Variants in SLC22A23 observed in about 807,000 individuals in gnomAD.
SLC22A23 encodes solute carrier family 22 member 23, also known as ion transporter protein.
A neutral mutation model predicts 61.0 loss-of-function variants in SLC22A23; 26 were observed. The observed-to-expected ratio is 0.43, with a 90% CI of 0.31 to 0.59. SLC22A23 has a LOEUF of 0.59. SLC22A23 is among the 20% of genes least tolerant of loss of function. The pLI is 0.11. For missense variants in SLC22A23, 796 were observed against 934.7 expected (o/e 0.85, Z 1.94); for synonymous variants, 430 against 413.9 (o/e 1.04, Z -0.47).
Position 3,362,418 on chromosome 6 carries a change from AAAATAAAAAATAAAAAAT to A in SLC22A23, c.914-38434_914-38417del, listed in dbSNP as rs1160685139. ...ATTCCGTCTCACAAAAAAAAAAAATAAAATAAAAAATAAAAAATAAAAATTAGCATGCATTTTCATCAG... is the reference window on the plus strand; with the variant it reads ...ATTCCGTCTCACAAAAAAAAAAAATAAAAAATTAGCATGCATTTTCATCAG... On this transcript the variant is annotated intron_variant, in intron 3 of 9. Transcript: ENST00000406686. Among the ~76,000 whole-genome samples, 58 of 48,120 alleles carry A rather than the reference AAAATAAAAAATAAAAAAT, an allele frequency of 1.2e-3. 14 individuals carry two copies. The highest frequency in any genetic ancestry group is 2.1e-3 in the East Asian group (2 of 936). The allele number at this position is 48,120 out of a possible 152,430, so 31.6% of individuals were successfully genotyped here. A position where few individuals can be genotyped will look rare whatever the true frequency, so the allele number is the denominator to read the frequency against.
chr6:3,357,759 T>C (rs1371931326), intron 3 of SLC22A23, among the ~76,000 whole-genome samples: 2 of 152,150 alleles, frequency 1.3e-5, no homozygotes, highest in Non-Finnish European at 2.9e-5. Context: ...GGTAGCACCA[T>C]GCCAGGGGAG....
chr6:3,418,900 C>T (rs1769927099), intron 1 of SLC22A23, among the ~76,000 whole-genome samples: 1 of 152,186 alleles, frequency 6.6e-6, no homozygotes, highest in South Asian at 2.1e-4. Flanking sequence ...CCTTGTTTGA[C>T]TTCTGCTTCT....
chr6:3,272,821 A>G lies in SLC22A23; in HGVS notation c.*234T>C, dbSNP rs1288231792. On this transcript the variant is annotated 3_prime_UTR_variant, in exon 10 of 10. Coordinates refer to ENST00000406686, the MANE Select transcript of SLC22A23 (RefSeq NM_015482.2). ...CTTCTCGTAAAAATGACCAAAATAA[A>G]TACACACATTTAACGGCAGAAAAGA... 1 of 456,812 alleles carries G rather than the reference A, an allele frequency of 2.2e-6. No individual in the cohort carries two copies. The highest frequency in any genetic ancestry group is 2.0e-5 in the African/African-American group (1 of 49,672). The allele number at this position is 456,812 out of a possible 1,614,324, so 28.3% of individuals were successfully genotyped here. A position where few individuals can be genotyped will look rare whatever the true frequency, so the allele number is the denominator to read the frequency against.
At chr6:3,273,940 CTG>C (rs1359221402) in intron 9 of SLC22A23, among the ~76,000 whole-genome samples, 2 of 152,212 alleles carry the variant, frequency 1.3e-5, no homozygotes, top group Admixed American at 6.5e-5. Context: ...AGTTTCCTCA[CTG>C]TGAGTTGATG....
intron 3 of SLC22A23, among the ~76,000 whole-genome samples, chr6:3,347,900 C>T (rs1232927862): frequency 1.3e-5 from 2 of 152,194 alleles, no homozygotes; most frequent in Non-Finnish European, 2.9e-5. Context: ...AGATGAAGCT[C>T]TGCCCAGCAT....
rs150632626 is a variant in SLC22A23, at chr6:3,292,242, G to A, written c.1211-2376C>T. Among the ~76,000 whole-genome samples, 212 of 152,320 alleles carry A rather than the reference G, an allele frequency of 1.4e-3. 2 individuals are homozygous for A. The highest frequency in any genetic ancestry group is 0.01 in the Middle Eastern group (3 of 294). On this transcript the variant is annotated intron_variant, in intron 5 of 9. Transcript: ENST00000406686. The stretch of plus-strand genomic sequence containing the variant: ...AAATCCTCGAGTGCTTCTGGAGGCC[G>A]TGCCGAGTTCTCCCATCCGGCCCTC...
chr6:3,448,183 G>A (rs535820063), intron 1 of SLC22A23, among the ~76,000 whole-genome samples: 5 of 151,920 alleles, frequency 3.3e-5, no homozygotes, highest in Non-Finnish European at 7.4e-5. Flanking sequence ...GATTACAGGC[G>A]TGAGCCACCG....
At chr6:3,302,504 A>G (rs1380577329) in intron 4 of SLC22A23, among the ~76,000 whole-genome samples, 3 of 152,112 alleles carry the variant, frequency 2.0e-5, no homozygotes, top group Admixed American at 6.5e-5. Flanking sequence ...CTTTTCTAGT[A>G]TCTTGAAATA....
rs1257341020 is a variant in SLC22A23, at chr6:3,269,278, TGA to T, written c.*3775_*3776del. The T allele has an allele frequency of 6.6e-6, 1 of 152,200 alleles. No individual in the cohort carries two copies. The highest frequency in any genetic ancestry group is 1.5e-5 in the Non-Finnish European group (1 of 68,022). The allele number at this position is 152,200 out of a possible 1,614,324, so 9.4% of individuals were successfully genotyped here. A position where few individuals can be genotyped will look rare whatever the true frequency, so the allele number is the denominator to read the frequency against. On this transcript the variant is annotated 3_prime_UTR_variant, in exon 10 of 10. Transcript: ENST00000406686. ...TTTAAGACCAGGACTCGAAGCAGAGTGAGAGGCCTCCCTCCACCCACCTCGGG... is the reference window on the plus strand; with the variant it reads ...TTTAAGACCAGGACTCGAAGCAGAGTGAGGCCTCCCTCCACCCACCTCGGG...
intron 9 of SLC22A23, among the ~76,000 whole-genome samples, chr6:3,276,140 G>A (rs1305666215): frequency 6.6e-6 from 1 of 152,146 alleles, no homozygotes; most frequent in Non-Finnish European, 1.5e-5. Flanking sequence ...GGGGGCTTTT[G>A]TCCTGTAACA....
chr6:3,438,847 T>C (rs767348785), intron 1 of SLC22A23, among the ~76,000 whole-genome samples: 8 of 152,208 alleles, frequency 5.3e-5, no homozygotes, highest in Non-Finnish European at 1.0e-4. Flanking sequence ...CAGCAAACCC[T>C]TTCTTCACAG....
In SLC22A23 at chr6:3,308,206, T is replaced by A. The variant is rs550758385; in HGVS notation, c.1083-9988A>T. On this transcript the variant is annotated intron_variant, in intron 4 of 9. Coordinates refer to ENST00000406686, the MANE Select transcript of SLC22A23 (RefSeq NM_015482.2). The surrounding 1 kb of genome is among the most constrained non-coding windows in gnomAD (Gnocchi z 5.1). The stretch of plus-strand genomic sequence containing the variant: ...TATGTTACGTGTATTTTACCACAAT[T>A]AAAAGAAAATATTACAGAGAAGACG... 6.6e-6 allele frequency among the ~76,000 whole-genome samples: 1 copy of A among 152,172 alleles called. No individual in the cohort carries two copies. The highest frequency in any genetic ancestry group is 1.5e-5 in the Non-Finnish European group (1 of 68,012).
chr6:3,283,773 C>A, intron 9 of SLC22A23, 79 bp downstream of exon 9: 1 of 1,594,316 alleles, frequency 6.3e-7, no homozygotes. Context: ...GCTGGTTAAT[C>A]CCACACCAGC....
At chr6:3,292,425 C>T (rs544247558) in intron 5 of SLC22A23, among the ~76,000 whole-genome samples, 14 of 151,902 alleles carry the variant, frequency 9.2e-5, no homozygotes, top group African/African-American at 3.4e-4. Flanking sequence ...ACAGGGAGCC[C>T]GGCCAGGTTG....
Position 3,304,600 on chromosome 6 carries a change from T to A in SLC22A23, c.1083-6382A>T, listed in dbSNP as rs567353646. Among the ~76,000 whole-genome samples, 1 of 152,156 alleles carries A rather than the reference T, an allele frequency of 6.6e-6. No homozygotes were observed. Among genetic ancestry groups the A allele is most frequent in the South Asian group, 2.1e-4 (1 of 4,818 alleles). On this transcript the variant is annotated intron_variant, in intron 4 of 9. Transcript: ENST00000406686. This position sits in a 1 kb window ranked among gnomAD's most constrained non-coding sequence, Gnocchi z 4.3. ...TTTGTCACTACTCACTCAAATCCAC[T>A]GAGCGAGTTGGATAGAAGCCCGCAT...
intron 3 of SLC22A23, among the ~76,000 whole-genome samples, chr6:3,374,616 C>T (rs916038710): frequency 3.3e-5 from 5 of 152,100 alleles, no homozygotes; most frequent in Admixed American, 1.3e-4. Flanking sequence ...TAATTGGTAG[C>T]CAGTGAGAAA....
intron 3 of SLC22A23, among the ~76,000 whole-genome samples, chr6:3,375,469 A>T (rs908545606): frequency 1.3e-5 from 2 of 152,242 alleles, no homozygotes; most frequent in East Asian, 3.8e-4. Context: ...TGACTATGGT[A>T]GTGGTGCACT....
intron 1 of SLC22A23, among the ~76,000 whole-genome samples, chr6:3,452,490 T>C (rs1300696941): frequency 6.6e-6 from 1 of 151,498 alleles, no homozygotes; most frequent in Non-Finnish European, 1.5e-5. Flanking sequence ...TCCCAGCTAC[T>C]CAGGAGGCTG....
rs1447141726 is a variant in SLC22A23 at position 3,319,234 on chromosome 6, C to T, written c.1082+4600G>A. ...CAAGTCACTTCTGTCCCCTCTTGTC[C>T]ACCATGCTCCAGCCCTGCTGACCTT... is the stretch of plus-strand genomic sequence containing the variant. On this transcript the variant is annotated intron_variant, in intron 4 of 9. Coordinates refer to ENST00000406686, the MANE Select transcript of SLC22A23 (RefSeq NM_015482.2). 2.6e-5 allele frequency among the ~76,000 whole-genome samples: 4 copies of T among 152,298 alleles called. No homozygotes were observed. The East Asian group carries it at 7.7e-4, about 29-fold the overall frequency.
Sources: allele counts gnomAD v4.1 joint callset (sites outside exome capture counted in the v4.1 genomes callset), GRCh38; gene constraint gnomAD v4.1.1; non-coding constraint Gnocchi (gnomAD v3.1); transcripts MANE v1.5; gene names NCBI Gene and HGNC (gene_info 2026-07-23, HGNC 2026-07-21).